The following PLA2G4D variants were observed in gnomAD, a reference collection of about 807,000 sequenced individuals.
The protein encoded by PLA2G4D is phospholipase A2 group IVD, also known as cytosolic phospholipase A2 delta.
A neutral mutation model predicts 94.4 loss-of-function variants in PLA2G4D; 80 were observed. The ratio of observed to expected loss-of-function variants is 0.85; its 90% CI spans 0.71 to 1.02. The LOEUF is 1.02. PLA2G4D is among the 50% of genes least tolerant of loss of function. The pLI is 0.00. For synonymous variants in PLA2G4D, 438 were observed against 440.9 expected (o/e 0.99, Z 0.08); for missense variants, 1,050 against 1,034.7 (o/e 1.01, Z -0.20).
intron 13 of PLA2G4D, among the ~76,000 whole-genome samples, chr15:42,077,019 C>A (rs148004336): frequency 6.6e-6 from 1 of 152,068 alleles, no homozygotes; most frequent in Non-Finnish European, 1.5e-5. Context: ...ATTCAACCTA[C>A]CAAGATTGAA....
At chr15:42,091,599 G>T (rs1890246777) in intron 1 of PLA2G4D, among the ~76,000 whole-genome samples, 1 of 151,884 alleles carries the variant, frequency 6.6e-6, no homozygotes, top group South Asian at 2.1e-4. Flanking sequence ...TTTCCCCGGG[G>T]GAGTTAGAGA....
intron 6 of PLA2G4D, 72 bp downstream of exon 6, chr15:42,085,024 C>G (rs1890113145): frequency 6.5e-7 from 1 of 1,547,504 alleles, no homozygotes. Flanking sequence ...TGGTCCACAC[C>G]CCAGGCAGCT....
intron 15 of PLA2G4D, 58 bp downstream of exon 15, chr15:42,071,716 T>C (rs1259704378): frequency 7.0e-6 from 9 of 1,293,610 alleles, no homozygotes; most frequent in Non-Finnish European, 9.4e-6. Context: ...ACAGGACCCA[T>C]GTCCATTCAG....
At chr15:42,075,320 G>A (rs17691153) in intron 13 of PLA2G4D, among the ~76,000 whole-genome samples, 13,615 of 152,200 alleles carry the variant, frequency 0.089, 704 homozygotes, top group Middle Eastern at 0.13. Context: ...ATCAAACTGC[G>A]TTTTCTAGCA....
In PLA2G4D at chr15:42,069,965, G is replaced by A. The variant is rs146853362; in HGVS notation, c.2174C>T (p.Pro725Leu). ...LFSDPACPEA[P>L]ILLHFPLVNA... ...GACCAGCGGGAAGTGCAGCAGGATC[G>A]GGGCCTCGGGGCAGGCGGGGTCTGA... is the stretch of plus-strand genomic sequence containing the variant. The change falls in exon 19 of 20, where the codon CCG becomes CTG. Residue 725 changes from proline to leucine, a missense_variant. Pro to Leu is a moderately conservative substitution (Grantham distance 98). Transcript: ENST00000290472. The A allele has an allele frequency of 3.6e-5, 53 of 1,465,938 alleles. No individual in the cohort carries two copies. In the African/African-American group the frequency reaches 4.9e-4, roughly 14 times the overall value. 90.8% of individuals were successfully genotyped at this position (1,465,938 alleles called of 1,614,324 possible).
intron 14 of PLA2G4D, 90 bp downstream of exon 14, chr15:42,072,185 G>C: frequency 1.6e-6 from 2 of 1,229,152 alleles, no homozygotes; most frequent in South Asian, 1.3e-5. Flanking sequence ...CAATCTGTGC[G>C]GAGCTTCCAG....
intron 19 of PLA2G4D, 30 bp from the exon 20 acceptor site, chr15:42,068,971 C>G (rs1172001836): frequency 3.2e-6 from 5 of 1,583,242 alleles, no homozygotes; most frequent in Non-Finnish European, 4.3e-6. Flanking sequence ...GTGTCAGGAG[C>G]AGGACGCCGG....
At chr15:42,080,155 T>C (rs535408148) in intron 12 of PLA2G4D, among the ~76,000 whole-genome samples, 2 of 152,344 alleles carry the variant, frequency 1.3e-5, no homozygotes, top group South Asian at 4.1e-4. Context: ...CAATGTGGAC[T>C]GGCTGCATTT....
At chr15:42,073,726 T>C (rs1889870006) in intron 13 of PLA2G4D, among the ~76,000 whole-genome samples, 1 of 152,158 alleles carries the variant, frequency 6.6e-6, no homozygotes, top group South Asian at 2.1e-4. Context: ...CAGAAGTCAC[T>C]TTGGAGTTTG....
In PLA2G4D at chr15:42,084,950, G is replaced by T; in HGVS notation, c.471+146C>A. The T allele has an allele frequency of 2.3e-6, 2 of 865,744 alleles. No homozygotes were observed. The highest frequency in any genetic ancestry group is 3.6e-6 in the Non-Finnish European group (2 of 550,280). 53.6% of individuals were successfully genotyped at this position (865,744 alleles called of 1,614,324 possible). A position where few individuals can be genotyped will look rare whatever the true frequency, so the allele number is the denominator to read the frequency against. ...CCCTCCAAGACCCACAGCCACAGGT[G>T]ACCACCTGGCTGGAAGGCTAGGGGT... On this transcript the variant is annotated intron_variant, in intron 6 of 19. Coordinates refer to ENST00000290472, the MANE Select transcript of PLA2G4D (RefSeq NM_178034.4). This position sits in a 1 kb window ranked among gnomAD's most constrained non-coding sequence, Gnocchi z 4.8.
rs866310055 is a variant in PLA2G4D at position 42,084,306 on chromosome 15, C to T, written c.472-527G>A. Among the ~76,000 whole-genome samples, 1 of 152,172 alleles carries T rather than the reference C, an allele frequency of 6.6e-6. No homozygotes were observed. On this transcript the variant is annotated intron_variant, in intron 6 of 19. Coordinates refer to ENST00000290472, the MANE Select transcript of PLA2G4D (RefSeq NM_178034.4). The surrounding 1 kb of genome is among the most constrained non-coding windows in gnomAD (Gnocchi z 4.8). ...TCTGTGAAGCATACCAGCAGATGCC[C>T]GCCACCCACGCTCCACACAATCACT...
intron 13 of PLA2G4D, among the ~76,000 whole-genome samples, chr15:42,074,811 C>T (rs1357997798): frequency 2.0e-5 from 3 of 152,186 alleles, no homozygotes; most frequent in African/African-American, 7.2e-5. Flanking sequence ...CCGAAGAAAA[C>T]ATTATTTTGT....
chr15:42,094,292 A>C, intron 1 of PLA2G4D, 123 bp downstream of exon 1: 1 of 1,147,614 alleles, frequency 8.7e-7, no homozygotes, highest in Non-Finnish European at 1.3e-6. Context: ...CCCAAATCTC[A>C]GACTCCCTCG....
In PLA2G4D at chr15:42,086,314, C is replaced by T. The variant is rs1247437888; in HGVS notation, c.286G>A (p.Asp96Asn). ...NVLELSIYDE[D>N]SVTEDDICFK... ...CAGATGTCATCCTCCGTGACTGAGT[C>T]CTCATCATAGATGCTAAGCTCCAGA... Residue 96 changes from aspartate (D) to asparagine (N), a missense_variant, in exon 4 of 20, where the codon GAC (aspartate) becomes AAC (asparagine). Coordinates refer to ENST00000290472, the MANE Select transcript of PLA2G4D (RefSeq NM_178034.4). The T allele has an allele frequency of 6.2e-7, 1 of 1,611,562 alleles. No individual in the cohort carries two copies. Among genetic ancestry groups the T allele is most frequent in the South Asian group, 1.1e-5 (1 of 91,044 alleles).
chr15:42,086,915 T>TACAG (rs2141102542), intron 3 of PLA2G4D, among the ~76,000 whole-genome samples: 1 of 152,282 alleles, frequency 6.6e-6, no homozygotes, highest in African/African-American at 2.4e-5. Flanking sequence ...TCCCTGTCTG[T>TACAG]GTGTCTCTCT....
chr15:42,080,642 G>A (rs911993012), intron 12 of PLA2G4D, among the ~76,000 whole-genome samples: 14 of 152,156 alleles, frequency 9.2e-5, no homozygotes, highest in Non-Finnish European at 2.1e-4. Flanking sequence ...AGTCCCACGC[G>A]GTGTGTGCTA....
chr15:42,089,090 C>T (rs1213940956), intron 1 of PLA2G4D, among the ~76,000 whole-genome samples: 1 of 152,258 alleles, frequency 6.6e-6, no homozygotes, highest in Admixed American at 6.5e-5. Context: ...TCACCCGCTC[C>T]TCCCCGACCC....
In PLA2G4D at chr15:42,070,824, C is replaced by A; in HGVS notation, c.1936G>T (p.Val646Leu). 1 of 1,611,160 alleles carries A rather than the reference C, an allele frequency of 6.2e-7. No individual in the cohort carries two copies. Among genetic ancestry groups the A allele is most frequent in the East Asian group, 2.2e-5 (1 of 44,818 alleles). ...LTPKEPRLCLVDAAYFINTSS... is the reference protein window; with the variant it reads ...LTPKEPRLCLLDAAYFINTSS... The stretch of plus-strand genomic sequence containing the variant: ...GTGTTGATGAAGTAGGCGGCGTCCA[C>A]CAGGCAGAGCCGGGGCTCCTTGGGG... The change falls in exon 18 of 20, where the codon GTG (valine) becomes TTG (leucine). Residue 646 changes from valine to leucine, a missense_variant. Val to Leu is a conservative substitution (Grantham distance 32, BLOSUM62 1). Transcript: ENST00000290472.
chr15:42,080,858 T>G, intron 12 of PLA2G4D, 139 bp downstream of exon 12: 1 of 1,195,620 alleles, frequency 8.4e-7, no homozygotes, highest in Non-Finnish European at 1.1e-6. Flanking sequence ...TCCTTCCTTG[T>G]GGGAAAGCTG....
Sources: gnomAD v4.1 joint callset for allele counts (sites outside exome capture counted in the v4.1 genomes callset) on GRCh38, gnomAD v4.1.1 for gene constraint, Gnocchi (gnomAD v3.1) non-coding constraint, MANE v1.5 for transcripts, NCBI Gene and HGNC (gene_info 2026-07-23, HGNC 2026-07-21) for gene names.